NTSR2: variants seen among roughly 807,000 people sequenced by gnomAD.
The protein encoded by NTSR2 is neurotensin receptor 2.
A neutral mutation model predicts 24.1 loss-of-function variants in NTSR2; 22 were observed. The ratio of observed to expected loss-of-function variants is 0.91; its 90% CI spans 0.65 to 1.30. NTSR2 has a LOEUF of 1.30. NTSR2 is among the 50% of genes most tolerant of loss of function. NTSR2 has a pLI of 0.00. For synonymous variants in NTSR2, 291 were observed against 267.0 expected, an observed-to-expected ratio of 1.09 and a Z score of -0.88; for missense variants, 570 against 570.4, an observed-to-expected ratio of 1.00 and a Z score of 0.01.
chr2:11,669,949 G>C lies in NTSR2; in HGVS notation c.181C>G (p.Arg61Gly). 6.6e-7 allele frequency: 1 copy of C among 1,511,886 alleles called. No homozygotes were observed. The highest frequency in any genetic ancestry group is 8.8e-7 in the Non-Finnish European group (1 of 1,137,026). The allele number at this position is 1,511,886 out of a possible 1,614,324, so 93.7% of individuals were successfully genotyped here. A position where few individuals can be genotyped will look rare whatever the true frequency, so the allele number is the denominator to read the frequency against. ...CGCAGGCGCCCCGCGCGCCCGGCCC[G>C]CGCCTTCAGCACCACGTGCGCGGAC... ...ALSAHVVLKA[R>G]AGRAGRLRHH... Residue 61 changes from arginine to glycine, a missense_variant, in exon 1 of 4, where the codon CGG (arginine) becomes GGG (glycine). Coordinates refer to ENST00000306928, the MANE Select transcript of NTSR2 (RefSeq NM_012344.4).
At chr2:11,669,168 G>A (rs1189885832) in intron 1 of NTSR2, among the ~76,000 whole-genome samples, 2 of 152,126 alleles carry the variant, frequency 1.3e-5, no homozygotes, top group Non-Finnish European at 1.5e-5. Context: ...CACAGACTTC[G>A]GGCTACTGAG....
chr2:11,670,041 C>T lies in NTSR2; in HGVS notation c.89G>A (p.Trp30Ter). The T allele has an allele frequency of 6.7e-7, 1 of 1,503,062 alleles. No homozygotes were observed. The highest frequency in any genetic ancestry group is 1.3e-5 in the South Asian group (1 of 79,334). The allele number at this position is 1,503,062 out of a possible 1,614,324, so 93.1% of individuals were successfully genotyped here. Reference protein sequence around the residue: ...DARLGVDTRLWAKVLFTALYA... With the variant: ...DARLGVDTRL ...GAGCGCGGTGAACAGCACCTTGGCCCAGAGGCGAGTGTCCACGCCCAGCCG... is the reference window on the plus strand; with the variant it reads ...GAGCGCGGTGAACAGCACCTTGGCCTAGAGGCGAGTGTCCACGCCCAGCCG... Residue 30 changes from tryptophan to a stop codon, truncating the protein, a stop_gained, in exon 1 of 4, where the codon TGG becomes TAG. Transcript: ENST00000306928. LOFTEE classifies it high-confidence loss of function.
At position 11,662,117 on chromosome 2, in the gene NTSR2, T is replaced by C; in HGVS notation, c.748A>G (p.Thr250Ala). ...VPSTSTPGSS[T>A]PSRLELLSEE... ...CTCAGCAGCTCCAGGCGGCTGGGGG[T>C]GGAGCTGCCCGGGGTAGAAGTGGAC... The change falls in exon 2 of 4, where the codon ACC becomes GCC. Residue 250 changes from threonine to alanine, a missense_variant. By Grantham distance (58) the Thr-to-Ala change is moderately conservative (BLOSUM62 0). Transcript: ENST00000306928. 6.2e-7 allele frequency: 1 copy of C among 1,612,014 alleles called. No homozygotes were observed. The highest frequency in any genetic ancestry group is 8.5e-7 in the Non-Finnish European group (1 of 1,179,338).
chr2:11,662,570 A>G (rs1661100902), intron 1 of NTSR2, among the ~76,000 whole-genome samples: 1 of 152,208 alleles, frequency 6.6e-6, no homozygotes. Flanking sequence ...TCACGAGGTC[A>G]GGAGATCGAG....
chr2:11,669,658 G>T lies in NTSR2; in HGVS notation c.472C>A (p.Leu158Ile). 1 of 1,548,596 alleles carries T rather than the reference G, an allele frequency of 6.5e-7. No homozygotes were observed. ...AGGCCGAGCGAGGCGGCCCACGAGA[G>T]CGCCACCAGCCACCGGGTCCGGCGT... ...TPRRTRWLVA[L>I]SWAASLGLAL... The change falls in exon 1 of 4, where the codon CTC (leucine) becomes ATC (isoleucine). Residue 158 changes from leucine to isoleucine, a missense_variant. By Grantham distance (5) the Leu-to-Ile change is conservative. Transcript: ENST00000306928.
Position 11,669,896 on chromosome 2 carries a change from C to T in NTSR2, c.234G>A (p.Ala78=). 1 of 1,574,562 alleles carries T rather than the reference C, an allele frequency of 6.4e-7. No homozygotes were observed. Among genetic ancestry groups the T allele is most frequent in the Non-Finnish European group, 8.6e-7 (1 of 1,166,804 alleles). ...LRHHVLSLAL[A]GLLLLLVGVP... is the part of the protein sequence containing the mutation. Reference sequence around the variant, plus strand: ...CGCCGACCAGCAGCAGCAGCAGGCCCGCGAGCGCCAGGCTGAGCACGTGGT... The same window carrying T: ...CGCCGACCAGCAGCAGCAGCAGGCCTGCGAGCGCCAGGCTGAGCACGTGGT... Residue 78 remains alanine, a synonymous_variant, in exon 1 of 4, where the codon GCG becomes GCA. Coordinates refer to ENST00000306928, the MANE Select transcript of NTSR2 (RefSeq NM_012344.4).
Position 11,669,670 on chromosome 2 carries a change from ACCGGGT to A in NTSR2, c.454_459del (p.Thr152_Arg153del). The A allele has an allele frequency of 6.5e-7, 1 of 1,541,656 alleles. No homozygotes were observed. Among genetic ancestry groups the A allele is most frequent in the Non-Finnish European group, 8.7e-7 (1 of 1,149,620 alleles). On this transcript the variant is annotated inframe_deletion, in exon 1 of 4. Coordinates refer to ENST00000306928, the MANE Select transcript of NTSR2 (RefSeq NM_012344.4). Reference sequence around the variant, plus strand: ...GCGGCCCACGAGAGCGCCACCAGCCACCGGGTCCGGCGTGGCGTCAGCAGGCTGCGG... The same window carrying A: ...GCGGCCCACGAGAGCGCCACCAGCCACCGGCGTGGCGTCAGCAGGCTGCGG...
At chr2:11,669,460 GCCCC>G in intron 1 of NTSR2, 42 bp downstream of exon 1, 4 of 254,724 alleles carry the variant, frequency 1.6e-5, no homozygotes, top group East Asian at 5.5e-5. Flanking sequence ...TCCCAGCACC[GCCCC>G]CCCACCCCCC....
intron 1 of NTSR2, among the ~76,000 whole-genome samples, chr2:11,669,260 C>G (rs1661269986): frequency 1.3e-5 from 2 of 152,232 alleles, no homozygotes; most frequent in South Asian, 4.1e-4. Context: ...GAGCACCACT[C>G]TCGCAAGAGT....
rs1245576382 is a variant in NTSR2 at position 11,658,274 on chromosome 2, T to C, written c.*205A>G. ...ACACTAAGAGATGGGTGCTGTTCTTTATCTCCACTACACAGACGAGGGAGC... is the reference window on the plus strand; with the variant it reads ...ACACTAAGAGATGGGTGCTGTTCTTCATCTCCACTACACAGACGAGGGAGC... On this transcript the variant is annotated 3_prime_UTR_variant, in exon 4 of 4. Coordinates refer to ENST00000306928, the MANE Select transcript of NTSR2 (RefSeq NM_012344.4). The C allele has an allele frequency of 1.8e-6, 1 of 554,144 alleles. No homozygotes were observed. The highest frequency in any genetic ancestry group is 3.1e-6 in the Non-Finnish European group (1 of 325,344). The allele number at this position is 554,144 out of a possible 1,614,324, so 34.3% of individuals were successfully genotyped here. A position where few individuals can be genotyped will look rare whatever the true frequency, so the allele number is the denominator to read the frequency against.
At chr2:11,663,906 G>A (rs1445691521) in intron 1 of NTSR2, among the ~76,000 whole-genome samples, 1 of 152,150 alleles carries the variant, frequency 6.6e-6, no homozygotes, top group African/African-American at 2.4e-5. Context: ...ATAGAGAAAT[G>A]AATCAGAGTA....
intron 3 of NTSR2, among the ~76,000 whole-genome samples, chr2:11,659,218 T>G (rs1192544476): frequency 3.9e-5 from 6 of 152,224 alleles, no homozygotes; most frequent in Admixed American, 3.9e-4. Flanking sequence ...ACCCAGCCTC[T>G]ATGATCTGCC....
At chr2:11,669,460 G>GGGGGGGGCCC in intron 1 of NTSR2, 46 bp downstream of exon 1, 1 of 254,726 alleles carries the variant, frequency 3.9e-6, no homozygotes. Context: ...TCCCAGCACC[G>GGGGGGGGCCC]CCCCCCCACC....
rs1195362479 is a variant in NTSR2 at position 11,670,103 on chromosome 2, CG to C, written c.26del (p.Pro9ArgfsTer9). METSSPRP[P>X]RPSSNPGLSL... ...TCAGCCCCGGGTTGGAGCTGGGCCG[CG>C]GGGGCCGCGGGCTGCTGGTTTCCAT... On this transcript the variant is annotated frameshift_variant, in exon 1 of 4. Coordinates refer to ENST00000306928, the MANE Select transcript of NTSR2 (RefSeq NM_012344.4). LOFTEE classifies it high-confidence loss of function. 1 of 1,392,380 alleles carries C rather than the reference CG, an allele frequency of 7.2e-7. No individual in the cohort carries two copies. The allele number at this position is 1,392,380 out of a possible 1,614,324, so 86.3% of individuals were successfully genotyped here.
intron 1 of NTSR2, among the ~76,000 whole-genome samples, chr2:11,663,751 T>C (rs78026943): frequency 0.013 from 1,990 of 152,236 alleles, 95 homozygotes; most frequent in East Asian, 0.11. Flanking sequence ...GACAGGAATG[T>C]GGGAGAGTGA....
Position 11,658,486 on chromosome 2 carries a change from C to T in NTSR2, c.1226G>A (p.Arg409Gln), listed in dbSNP as rs200683246. The change falls in exon 4 of 4, where the codon CGG (arginine) becomes CAG (glutamine). Residue 409 changes from arginine to glutamine, a missense_variant. Coordinates refer to ENST00000306928, the MANE Select transcript of NTSR2 (RefSeq NM_012344.4). Reference sequence around the variant, plus strand: ...TTCATTCTTGCATTACATTCAGGTCCGGGTTTCTGGGGGATCCCCAAAGCC... The same window carrying T: ...TTCATTCTTGCATTACATTCAGGTCTGGGTTTCTGGGGGATCCCCAAAGCC... ...ASGFGDPPETRT is the reference protein window; with the variant it reads ...ASGFGDPPETQT 97 of 1,600,368 alleles carry T rather than the reference C, an allele frequency of 6.1e-5. No homozygotes were observed. The highest frequency in any genetic ancestry group is 3.2e-4 in the South Asian group (29 of 89,322).
chr2:11,666,659 A>C (rs1430757958), intron 1 of NTSR2, among the ~76,000 whole-genome samples: 6 of 152,364 alleles, frequency 3.9e-5, no homozygotes, highest in Non-Finnish European at 1.5e-5. Context: ...AGAATGTGCG[A>C]CTGCAATCCA....
At chr2:11,669,363 G>T in intron 1 of NTSR2, 143 bp downstream of exon 1, 1 of 695,418 alleles carries the variant, frequency 1.4e-6, no homozygotes, top group Non-Finnish European at 2.1e-6. Context: ...TAGTAAAATG[G>T]GACAGAGCAA....
At position 11,668,078 on chromosome 2, in the gene NTSR2, A is replaced by AT. The variant is rs1463351011; in HGVS notation, c.624+1427_624+1428insA. ...ACTGTGGGGCATGCTCAATATCTGGAAGGATTCTGGCCGTGGAAAGTCCCT... is the reference window on the plus strand; with the variant it reads ...ACTGTGGGGCATGCTCAATATCTGGATAGGATTCTGGCCGTGGAAAGTCCCT... On this transcript the variant is annotated intron_variant, in intron 1 of 3. Transcript: ENST00000306928. Among the ~76,000 whole-genome samples, 8 of 152,304 alleles carry AT rather than the reference A, an allele frequency of 5.3e-5. No homozygotes were observed. The East Asian group carries it at 1.5e-3, about 29-fold the overall frequency.
Sources: allele counts gnomAD v4.1 joint callset (sites outside exome capture counted in the v4.1 genomes callset), GRCh38; gene constraint gnomAD v4.1.1; transcripts MANE v1.5; gene names NCBI Gene and HGNC (gene_info 2026-07-23, HGNC 2026-07-21).